The following MARK4 variants were observed in gnomAD, a reference collection of about 807,000 sequenced individuals.
MARK4 encodes microtubule affinity regulating kinase 4.
A neutral mutation model predicts 81.5 loss-of-function variants in MARK4; 19 were observed. The observed-to-expected ratio is 0.23, with a 90% CI of 0.16 to 0.34. MARK4 has a LOEUF of 0.34. Ranked by LOEUF, MARK4 falls within the 10% of genes least tolerant of loss-of-function variation. MARK4 has a pLI of 1.00. For missense variants in MARK4, 772 were observed against 1,058.8 expected (o/e 0.73, Z 3.76); for synonymous variants, 436 against 439.0 (o/e 0.99, Z 0.08).
chr19:45,287,341 C>T, intron 12 of MARK4, 106 bp from the exon 13 acceptor site: 3 of 722,702 alleles, frequency 4.2e-6, no homozygotes, highest in Non-Finnish European at 6.3e-6. Context: ...ATGGCCCACA[C>T]AGAGATTGCA....
chr19:45,296,573 A>C (rs1970890184), intron 14 of MARK4, among the ~76,000 whole-genome samples: 1 of 152,228 alleles, frequency 6.6e-6, no homozygotes, highest in Non-Finnish European at 1.5e-5. Flanking sequence ...CTCTAGCTGC[A>C]AGAGAGTCTG....
intron 9 of MARK4, 116 bp downstream of exon 9, chr19:45,278,158 G>A (rs756523093): frequency 2.1e-6 from 3 of 1,435,326 alleles, no homozygotes; most frequent in South Asian, 1.2e-5. Context: ...TGTGCCCACC[G>A]AAGATCTGCT....
At chr19:45,279,531 C>T (rs1235139373) in intron 10 of MARK4, among the ~76,000 whole-genome samples, 4 of 152,064 alleles carry the variant, frequency 2.6e-5, no homozygotes, top group African/African-American at 7.2e-5. Flanking sequence ...ACAATAATTA[C>T]GGTTTTTACC....
chr19:45,284,102 C>CA (rs1469285701), intron 12 of MARK4, among the ~76,000 whole-genome samples: 1 of 152,028 alleles, frequency 6.6e-6, no homozygotes, highest in African/African-American at 2.4e-5. Context: ...ACTGAAACCT[C>CA]AGTCTCCCAG....
intron 6 of MARK4, 103 bp from the exon 7 acceptor site, chr19:45,266,122 C>G: frequency 8.4e-7 from 1 of 1,183,650 alleles, no homozygotes; most frequent in South Asian, 1.2e-5. Context: ...CAGGCTGTGC[C>G]TTGGGGAGGC....
In MARK4 at chr19:45,302,587, C is replaced by G; in HGVS notation, c.2136C>G (p.Phe712Leu). Reference sequence around the variant, plus strand: ...GCGGGCCCGAGCCCCTGTCCCACTTCGAAGTGGAGGTCTGCCAGCTGCCCC... The same window carrying G: ...GCGGGCCCGAGCCCCTGTCCCACTTGGAAGTGGAGGTCTGCCAGCTGCCCC... Reference protein sequence around the residue: ...GAGGPEPLSHFEVEVCQLPRP... With the variant: ...GAGGPEPLSHLEVEVCQLPRP... Residue 712 changes from phenylalanine (F) to leucine (L), a missense_variant, in exon 17 of 17, where the codon TTC becomes TTG. Around this residue, in one of 3 missense-constraint regions of MARK4, gnomAD observed 548 missense variants for 624.3 expected, o/e 0.88. Transcript: ENST00000262891. This position sits in a 1 kb window ranked among gnomAD's most constrained non-coding sequence, Gnocchi z 4.9. The G allele has an allele frequency of 6.4e-7, 1 of 1,574,400 alleles. No homozygotes were observed. The highest frequency in any genetic ancestry group is 8.6e-7 in the Non-Finnish European group (1 of 1,166,900).
intron 1 of MARK4, among the ~76,000 whole-genome samples, chr19:45,252,862 T>C (rs1970261900): frequency 6.6e-6 from 1 of 151,920 alleles, no homozygotes; most frequent in African/African-American, 2.4e-5. Context: ...CCCAGACCCT[T>C]CTCTGGTTTC....
intron 8 of MARK4, among the ~76,000 whole-genome samples, chr19:45,272,483 TAG>T (rs1440915297): frequency 2.0e-5 from 3 of 152,254 alleles, no homozygotes; most frequent in Non-Finnish European, 4.4e-5. Context: ...GGCAAATCCA[TAG>T]AGACAGAAAG....
intron 13 of MARK4, among the ~76,000 whole-genome samples, chr19:45,292,133 T>C (rs909425575): frequency 1.3e-5 from 2 of 151,886 alleles, no homozygotes; most frequent in African/African-American, 4.8e-5. Context: ...ATCCTCAACA[T>C]AGGAACAGGA....
chr19:45,251,639 G>A lies in MARK4; in HGVS notation c.51G>A (p.Thr17=). The A allele has an allele frequency of 7.0e-7, 1 of 1,429,662 alleles. No individual in the cohort carries two copies. The highest frequency in any genetic ancestry group is 1.3e-5 in the South Asian group (1 of 77,790). The allele number at this position is 1,429,662 out of a possible 1,614,324, so 88.6% of individuals were successfully genotyped here. ...CGGGCAACGATCGGAACTCGGACAC[G>A]GTGAGTGGGGCCCGGCCCCTTGGGG... ...LAPGNDRNSD[T]HGTLGSGRSS... Residue 17 remains threonine (T), a splice_region_variant and synonymous_variant, in exon 1 of 17, where the codon ACG becomes ACA. Coordinates refer to ENST00000262891, the MANE Select transcript of MARK4 (RefSeq NM_001199867.2).
chr19:45,276,917 G>A (rs1198105957), intron 8 of MARK4, among the ~76,000 whole-genome samples: 2 of 151,478 alleles, frequency 1.3e-5, no homozygotes, highest in African/African-American at 4.9e-5. Context: ...TTACAGGCGT[G>A]AGCCACCGCG....
At chr19:45,301,206 C>T (rs971379855) in intron 16 of MARK4, among the ~76,000 whole-genome samples, 2 of 152,050 alleles carry the variant, frequency 1.3e-5, no homozygotes, top group African/African-American at 4.8e-5. Flanking sequence ...TCACTTGAGC[C>T]CAGGAGGTCG....
rs866057468 is a variant in MARK4, at chr19:45,277,867, G to A, written c.787-56G>A. 11 of 1,419,488 alleles carry A rather than the reference G, an allele frequency of 7.7e-6. No homozygotes were observed. The South Asian group carries it at 8.9e-5, about 11-fold the overall frequency. 87.9% of individuals were successfully genotyped at this position (1,419,488 alleles called of 1,614,324 possible). On this transcript the variant is annotated intron_variant, in intron 8 of 16. Coordinates refer to ENST00000262891, the MANE Select transcript of MARK4 (RefSeq NM_001199867.2). ...TGTGTGTGTGTGTGTGTGTGTGTGTGTGTAATAGGTGGGGGGCGGGGCAGA... is the reference window on the plus strand; with the variant it reads ...TGTGTGTGTGTGTGTGTGTGTGTGTATGTAATAGGTGGGGGGCGGGGCAGA...
intron 15 of MARK4, chr19:45,298,206 C>T (rs767594339): frequency 1.2e-6 from 2 of 1,613,970 alleles, no homozygotes; most frequent in Non-Finnish European, 1.7e-6. Context: ...CCTCTCTGCC[C>T]CAGGGATCCA....
At chr19:45,278,295 T>C in intron 9 of MARK4, among the ~76,000 whole-genome samples, 1 of 152,106 alleles carries the variant, frequency 6.6e-6, no homozygotes, top group Middle Eastern at 3.4e-3. Context: ...CTAGGATGAT[T>C]ACAGGGTGCC....
chr19:45,275,650 G>A (rs983034105), intron 8 of MARK4, among the ~76,000 whole-genome samples: 8 of 152,314 alleles, frequency 5.3e-5, no homozygotes, highest in African/African-American at 1.9e-4. Flanking sequence ...GTGTGGCATG[G>A]TGGTCACACA....
At chr19:45,259,480 G>A (rs749324524) in intron 2 of MARK4, among the ~76,000 whole-genome samples, 3 of 152,210 alleles carry the variant, frequency 2.0e-5, no homozygotes, top group Non-Finnish European at 4.4e-5. Context: ...CCTGAGCTGT[G>A]GCCGGATGCA....
intron 1 of MARK4, 185 bp from the exon 2 acceptor site, chr19:45,258,804 A>G (rs1970342684): frequency 3.2e-6 from 2 of 615,882 alleles, no homozygotes; most frequent in East Asian, 2.9e-5. Flanking sequence ...TTTGGAGGAC[A>G]TGGGGGCTTT....
At chr19:45,267,246 C>T (rs535710911) in intron 7 of MARK4, among the ~76,000 whole-genome samples, 29 of 152,110 alleles carry the variant, frequency 1.9e-4, no homozygotes, top group East Asian at 1.5e-3. Flanking sequence ...TTAGTAGAGA[C>T]GGAGTTTCAC....
Sources: allele counts gnomAD v4.1 joint callset (sites outside exome capture counted in the v4.1 genomes callset), GRCh38; gene constraint gnomAD v4.1.1; regional missense constraint gnomAD v4.1.1; non-coding constraint Gnocchi (gnomAD v3.1); transcripts MANE v1.5; gene names NCBI Gene and HGNC (gene_info 2026-07-23, HGNC 2026-07-21).